Variants in C11orf65 observed in about 807,000 individuals in gnomAD.
C11orf65 encodes the protein chromosome 11 open reading frame 65.
In C11orf65, 38 loss-of-function variants were observed where a neutral mutation model predicts 35.3. The ratio of observed to expected loss-of-function variants is 1.08; its 90% CI spans 0.83 to 1.41. The LOEUF (loss-of-function observed/expected upper bound fraction) is 1.41. Ranked by LOEUF, C11orf65 falls within the 40% of genes most tolerant of loss-of-function variation. The probability of loss-of-function intolerance (pLI) is 0.00; values close to 1 mark genes in which losing one functional copy is unlikely to be tolerated. For missense variants in C11orf65, 370 were observed against 367.1 expected (o/e 1.01, Z -0.06); for synonymous variants, 105 against 114.4 (o/e 0.92, Z 0.53).
chr11:108,369,397 T>C (rs531849480), intron 2 of C11orf65, among the ~76,000 whole-genome samples: 2 of 152,344 alleles, frequency 1.3e-5, no homozygotes, highest in East Asian at 1.9e-4. Flanking sequence ...CTAGTTGACA[T>C]TTCTAGCCTA....
intron 6 of C11orf65, among the ~76,000 whole-genome samples, chr11:108,393,827 A>G (rs2092232633): frequency 6.6e-6 from 1 of 152,178 alleles, no homozygotes; most frequent in Admixed American, 6.5e-5. Context: ...GGTAAAGGGA[A>G]AACAGATACC....
chr11:108,371,827 G>A (rs958659319), intron 2 of C11orf65, among the ~76,000 whole-genome samples: 8 of 152,078 alleles, frequency 5.3e-5, no homozygotes, highest in Admixed American at 6.5e-5. Flanking sequence ...CACAGTGGCC[G>A]AACCATTTTA....
intron 6 of C11orf65, among the ~76,000 whole-genome samples, chr11:108,395,476 G>A (rs996480374): frequency 6.7e-6 from 1 of 149,290 alleles, no homozygotes; most frequent in Non-Finnish European, 1.5e-5. Context: ...AGCCCACCAC[G>A]CCCAGCTAAT....
chr11:108,316,875 G>A (rs916769733), intron 6 of C11orf65, among the ~76,000 whole-genome samples: 20 of 151,680 alleles, frequency 1.3e-4, no homozygotes, highest in African/African-American at 3.9e-4. Context: ...GCAGTGAGCC[G>A]AGATCGCGCC....
chr11:108,336,183 G>T (rs1344873906), intron 2 of C11orf65: 8 of 454,434 alleles, frequency 1.8e-5, no homozygotes, highest in Non-Finnish European at 3.2e-5. Flanking sequence ...TGTGCTTGTA[G>T]TCCCTTAGCT....
intron 7 of C11orf65, among the ~76,000 whole-genome samples, chr11:108,388,827 A>T (rs1369221538): frequency 2.6e-4 from 39 of 152,238 alleles, no homozygotes; most frequent in Admixed American, 2.5e-3. Context: ...GGTTCTAAAC[A>T]GCTGCAGCAA....
Position 108,407,138 on chromosome 11 carries a change from T to G in C11orf65, c.186A>C (p.Leu62=). The G allele has an allele frequency of 6.2e-7, 1 of 1,606,388 alleles. No homozygotes were observed. ...GCACATGAATGCCAGCAGCAGCATC[T>G]AGAAGCTCTGCCTATAAGAAAATAT... is the stretch of plus-strand genomic sequence containing the variant. The part of the protein sequence containing the change: ...KYINPKEAEL[L]DAAAGIHVRF... The change falls in exon 4 of 9, where the codon CTA becomes CTC. Residue 62 remains leucine, a synonymous_variant. Coordinates refer to ENST00000393084, the MANE Select transcript of C11orf65 (RefSeq NM_152587.5).
intron 2 of C11orf65, among the ~76,000 whole-genome samples, chr11:108,358,920 G>A (rs987778941): frequency 3.3e-5 from 5 of 151,632 alleles, no homozygotes; most frequent in African/African-American, 1.2e-4. Context: ...ACATCATAAT[G>A]ACAGGATCAA....
chr11:108,401,761 C>T (rs184098307), intron 6 of C11orf65, among the ~76,000 whole-genome samples: 4 of 152,192 alleles, frequency 2.6e-5, no homozygotes, highest in Admixed American at 6.5e-5. Flanking sequence ...TCTACCCCAT[C>T]GGTCTCTCTG....
At chr11:108,420,874 C>T (rs2138882564) in intron 3 of C11orf65, among the ~76,000 whole-genome samples, 1 of 152,246 alleles carries the variant, frequency 6.6e-6, no homozygotes, top group South Asian at 2.1e-4. Context: ...CTCAGCCTCC[C>T]AAAGTGCTGG....
At chr11:108,464,750 A>G (rs1024396940) in intron 1 of C11orf65, among the ~76,000 whole-genome samples, 2 of 152,132 alleles carry the variant, frequency 1.3e-5, no homozygotes, top group Non-Finnish European at 2.9e-5. Context: ...TGGACTGAGG[A>G]GCCTGGGTTC....
chr11:108,449,566 GA>G (rs1229995107), intron 2 of C11orf65, among the ~76,000 whole-genome samples: 1 of 152,020 alleles, frequency 6.6e-6, no homozygotes, highest in Non-Finnish European at 1.5e-5. Flanking sequence ...ATGGTGCTGG[GA>G]AAACTGGCTA....
intron 2 of C11orf65, chr11:108,365,341 T>G (rs534644067): frequency 6.2e-7 from 1 of 1,614,188 alleles, no homozygotes; most frequent in South Asian, 1.1e-5. Flanking sequence ...TGACCAGAGT[T>G]TCAACAAAGT....
At chr11:108,379,211 A>G (rs563366112), downstream of C11orf65, among the ~76,000 whole-genome samples, 1 of 152,298 alleles carries the variant, frequency 6.6e-6, no homozygotes, top group South Asian at 2.1e-4. Context: ...ACAATAGCAA[A>G]GACTTGGAAC....
At chr11:108,355,928 G>C (rs892934398) in intron 2 of C11orf65, 1 of 152,162 alleles carries the variant, frequency 6.6e-6, no homozygotes, top group Non-Finnish European at 1.5e-5. Flanking sequence ...ATCTCCTTTG[G>C]ACTGCAGATG....
intron 6 of C11orf65, chr11:108,317,619 A>T (rs1244263641): frequency 1.8e-4 from 5 of 27,530 alleles, no homozygotes; most frequent in South Asian, 2.9e-3. Context: ...GTTGTTTTAT[A>T]TATATATATA....
rs1196541070 is a variant in C11orf65, at chr11:108,423,745, C to A, written c.174+8001G>T. On this transcript the variant is annotated intron_variant, in intron 3 of 8. Coordinates refer to ENST00000393084, the MANE Select transcript of C11orf65 (RefSeq NM_152587.5). ...AGCAATCTTTGCTGTTCTGCAGCCT[C>A]CACTGGTGATACCCAGGCAAATAGG... is the stretch of plus-strand genomic sequence containing the variant. Among the ~76,000 whole-genome samples the A allele has an allele frequency of 3.9e-5, 6 of 152,166 alleles. No homozygotes were observed. The East Asian group carries it at 1.2e-3, about 29-fold the overall frequency.
At chr11:108,353,388 G>T (rs2089441069) in intron 2 of C11orf65, among the ~76,000 whole-genome samples, 1 of 152,138 alleles carries the variant, frequency 6.6e-6, no homozygotes, top group Admixed American at 6.6e-5. Context: ...GACCTCAGGT[G>T]TCAGGCCTCC....
At chr11:108,342,739 G>A (rs1224146915) in intron 2 of C11orf65, among the ~76,000 whole-genome samples, 2 of 152,076 alleles carry the variant, frequency 1.3e-5, no homozygotes, top group Non-Finnish European at 1.5e-5. Flanking sequence ...ATATTTAGGA[G>A]TACATTTTCT....
Sources: allele counts gnomAD v4.1 joint callset (sites outside exome capture counted in the v4.1 genomes callset), GRCh38; gene constraint gnomAD v4.1.1; transcripts MANE v1.5; gene names NCBI Gene and HGNC (gene_info 2026-07-23, HGNC 2026-07-21).